Variants in SCRG1 observed in about 807,000 individuals in gnomAD.
SCRG1 encodes scrapie-responsive protein 1.
A neutral mutation model predicts 7.7 loss-of-function variants in SCRG1; 3 were observed. The observed-to-expected ratio is 0.39, with a 90% confidence interval of 0.18 to 1.01. The LOEUF is 1.01. Ranked by LOEUF, SCRG1 falls within the 50% of genes least tolerant of loss-of-function variation. SCRG1 has a pLI of 0.36. For missense variants in SCRG1, 110 were observed against 117.2 expected (o/e 0.94, Z 0.28); for synonymous variants, 46 against 41.2 (o/e 1.12, Z -0.44).
the SCRG1 span, among the ~76,000 whole-genome samples, chr4:173,500,560 C>T: frequency 6.6e-6 from 1 of 152,104 alleles, no homozygotes; most frequent in Non-Finnish European, 1.5e-5. Context: ...GCTCGCTGCG[C>T]TGTCGACTTC....
At chr4:173,502,946 A>C in the SCRG1 span, among the ~76,000 whole-genome samples, 1 of 152,216 alleles carries the variant, frequency 6.6e-6, no homozygotes, top group Non-Finnish European at 1.5e-5. The surrounding 1 kb of genome is among the most constrained non-coding windows in gnomAD (Gnocchi z 4.6). Context: ...CCCTTAGTGG[A>C]AAAATAGAAG....
chr4:173,514,642 C>T, the SCRG1 span, among the ~76,000 whole-genome samples: 1 of 152,184 alleles, frequency 6.6e-6, no homozygotes, highest in African/African-American at 2.4e-5. Flanking sequence ...ACCCCTTCTA[C>T]CCATAGGTCA....
upstream of SCRG1, among the ~76,000 whole-genome samples, chr4:173,400,784 C>A (rs1332753586): frequency 6.6e-6 from 1 of 152,192 alleles, no homozygotes; most frequent in Non-Finnish European, 1.5e-5. Flanking sequence ...ATCACACACA[C>A]AGCCAGAAAA....
chr4:173,470,735 C>T, the SCRG1 span, among the ~76,000 whole-genome samples: 1 of 152,096 alleles, frequency 6.6e-6, no homozygotes, highest in Non-Finnish European at 1.5e-5. Flanking sequence ...AACTAATAGC[C>T]ATAAAATACA....
At chr4:173,454,284 G>C in the SCRG1 span, among the ~76,000 whole-genome samples, 12 of 151,248 alleles carry the variant, frequency 7.9e-5, no homozygotes, top group African/African-American at 2.9e-4. Flanking sequence ...GGGAGGTTAG[G>C]ATTGGTTTCT....
At chr4:173,462,633 T>G in the SCRG1 span, among the ~76,000 whole-genome samples, 1 of 152,168 alleles carries the variant, frequency 6.6e-6, no homozygotes, top group African/African-American at 2.4e-5. Context: ...CACTGACTGG[T>G]AATAGTAAAC....
chr4:173,466,606 G>T, the SCRG1 span, among the ~76,000 whole-genome samples: 12 of 152,084 alleles, frequency 7.9e-5, no homozygotes, highest in Non-Finnish European at 1.3e-4. Flanking sequence ...ATAATGTCAG[G>T]CCTGATAAAT....
the SCRG1 span, among the ~76,000 whole-genome samples, chr4:173,466,514 G>A: frequency 1.3e-5 from 2 of 151,992 alleles, no homozygotes; most frequent in Non-Finnish European, 2.9e-5. Context: ...CCAACACAGT[G>A]TTAGTGTTAA....
chr4:173,464,937 C>T, the SCRG1 span, among the ~76,000 whole-genome samples: 2 of 152,124 alleles, frequency 1.3e-5, no homozygotes, highest in Non-Finnish European at 2.9e-5. Flanking sequence ...CTGACACATA[C>T]TACAATATGG....
chr4:173,505,894 G>A, the SCRG1 span, among the ~76,000 whole-genome samples: 43 of 152,342 alleles, frequency 2.8e-4, no homozygotes, highest in Admixed American at 1.2e-3. The surrounding 1 kb of genome is among the most constrained non-coding windows in gnomAD (Gnocchi z 4.4). Flanking sequence ...TTAAGGGTGG[G>A]TGGTCCCTTC....
At chr4:173,450,762 G>T in the SCRG1 span, among the ~76,000 whole-genome samples, 7 of 152,202 alleles carry the variant, frequency 4.6e-5, no homozygotes, top group African/African-American at 1.7e-4. Flanking sequence ...TCTTTGAGAA[G>T]ACCCTCAACT....
chr4:173,427,942 G>T, the SCRG1 span, among the ~76,000 whole-genome samples: 1 of 152,194 alleles, frequency 6.6e-6, no homozygotes, highest in Non-Finnish European at 1.5e-5. Context: ...CTTTTGGAAT[G>T]GTTACTTTGG....
the SCRG1 span, among the ~76,000 whole-genome samples, chr4:173,476,363 A>AAAAAAAAAAAATATATATAT: frequency 6.1e-5 from 6 of 98,494 alleles, 1 homozygote; most frequent in Non-Finnish European, 1.4e-4. Context: ...GGAAAAAAAA[A>AAAAAAAAAAAATATATATAT]ATATATATAT....
the SCRG1 span, among the ~76,000 whole-genome samples, chr4:173,507,098 A>T: frequency 1.3e-5 from 2 of 152,224 alleles, no homozygotes; most frequent in African/African-American, 4.8e-5. The surrounding 1 kb of genome is among the most constrained non-coding windows in gnomAD (Gnocchi z 4.4). Flanking sequence ...ATTGCCACTC[A>T]TCCGGTCTGG....
upstream of SCRG1, among the ~76,000 whole-genome samples, chr4:173,410,648 A>G (rs1740015977): frequency 6.6e-6 from 1 of 152,226 alleles, no homozygotes; most frequent in South Asian, 2.1e-4. Context: ...TGGAAAAATA[A>G]AGAGAGATCC....
the SCRG1 span, chr4:173,419,532 T>C: frequency 1.4e-6 from 1 of 732,714 alleles, no homozygotes; most frequent in Non-Finnish European, 2.5e-6. Context: ...TCTGCAAACT[T>C]CTGGCCCATG....
At chr4:173,404,929 G>A (rs1455887287) in intron 1 of SCRG1, among the ~76,000 whole-genome samples, 2 of 152,020 alleles carry the variant, frequency 1.3e-5, no homozygotes, top group African/African-American at 2.4e-5. Context: ...TGTTAGCTTA[G>A]TACAGAGACT....
At chr4:173,411,042 G>A (rs1230626337), upstream of SCRG1, among the ~76,000 whole-genome samples, 1 of 152,070 alleles carries the variant, frequency 6.6e-6, no homozygotes, top group Non-Finnish European at 1.5e-5. Context: ...TGCTGAGATG[G>A]GATTCCAACT....
chr4:173,443,091 G>C, the SCRG1 span, among the ~76,000 whole-genome samples: 1,415 of 152,230 alleles, frequency 9.3e-3, 9 homozygotes, highest in Non-Finnish European at 0.017. Flanking sequence ...TTCCTTTCTA[G>C]TTAACTCGAG....
Sources: gnomAD v4.1 joint callset for allele counts (sites outside exome capture counted in the v4.1 genomes callset) on GRCh38, gnomAD v4.1.1 for gene constraint, Gnocchi (gnomAD v3.1) non-coding constraint, MANE v1.5 for transcripts, NCBI Gene and HGNC (gene_info 2026-07-23, HGNC 2026-07-21) for gene names.